The following PRKDC variants were observed in gnomAD, a reference collection of about 807,000 sequenced individuals.
PRKDC encodes DNA-dependent protein kinase catalytic subunit.
A neutral mutation model predicts 486.9 loss-of-function variants in PRKDC; 82 were observed. That is an observed-to-expected ratio of 0.17 (90% confidence interval 0.14 to 0.20). PRKDC has a LOEUF of 0.20. Among genes scored for constraint, PRKDC ranks in the 10% least tolerant of loss-of-function variants. The pLI, the probability that PRKDC is intolerant of heterozygous loss-of-function variation, is 1.00. For missense variants in PRKDC, 4,504 were observed against 5,038.2 expected (o/e 0.89, Z 3.21); for synonymous variants, 1,895 against 1,837.0 (o/e 1.03, Z -0.81).
chr8:47,960,135 G>A lies in PRKDC; in HGVS notation c.-9C>T. 6.8e-7 allele frequency: 1 copy of A among 1,473,800 alleles called. No individual in the cohort carries two copies. The highest frequency in any genetic ancestry group is 9.0e-7 in the Non-Finnish European group (1 of 1,113,354). 91.3% of individuals were successfully genotyped at this position (1,473,800 alleles called of 1,614,324 possible). On this transcript the variant is annotated 5_prime_UTR_variant, in exon 1 of 86. Coordinates refer to ENST00000314191, the MANE Select transcript of PRKDC (RefSeq NM_006904.7). Reference sequence around the variant, plus strand: ...GCTCCGGAGCCCGCCATGCCGCCGAGTCCCGCTCCCGCGCGTGCGCCCGCT... The same window carrying A: ...GCTCCGGAGCCCGCCATGCCGCCGAATCCCGCTCCCGCGCGTGCGCCCGCT...
chr8:47,832,602 A>G (rs2087912075), intron 59 of PRKDC, among the ~76,000 whole-genome samples: 1 of 152,246 alleles, frequency 6.6e-6, no homozygotes, highest in African/African-American at 2.4e-5. Flanking sequence ...AGGTTGAAAG[A>G]TAAGGTTGAA....
intron 46 of PRKDC, 145 bp downstream of exon 46, chr8:47,859,466 T>C (rs1488963270): frequency 2.0e-6 from 2 of 983,292 alleles, no homozygotes; most frequent in African/African-American, 1.6e-5. Flanking sequence ...AATTAGATCT[T>C]GGAAAATTCT....
At chr8:47,905,166 C>T (rs557699120) in intron 25 of PRKDC, among the ~76,000 whole-genome samples, 190 bp from the exon 26 acceptor site, 1 of 152,264 alleles carries the variant, frequency 6.6e-6, no homozygotes, top group African/African-American at 2.4e-5. Context: ...AGCTGGACTA[C>T]AGGCATGTAC....
At chr8:47,929,220 G>T in intron 18 of PRKDC, 42 bp from the exon 19 acceptor site, 1 of 1,353,348 alleles carries the variant, frequency 7.4e-7, no homozygotes, top group East Asian at 2.5e-5. Flanking sequence ...AACAAGAATC[G>T]GGAGACTGTA....
At chr8:47,850,724 G>A (rs1420899104) in intron 52 of PRKDC, among the ~76,000 whole-genome samples, 1 of 152,232 alleles carries the variant, frequency 6.6e-6, no homozygotes, top group Non-Finnish European at 1.5e-5. Flanking sequence ...AAAACAGTAT[G>A]AATAACAGAG....
Position 47,779,081 on chromosome 8 carries a change from T to C in PRKDC, c.11502A>G (p.Ala3834=). The change falls in exon 81 of 86, where the codon GCA becomes GCG. Residue 3834 remains alanine (A), a synonymous_variant. Transcript: ENST00000314191. ...GCCAATCTTTATATTCACACGGCGG[T>C]GCCCTGGGATCACTAATGAGTGAGA... is the stretch of plus-strand genomic sequence containing the variant. ...EKAAYLSDPR[A]PPCEYKDWLT... The C allele has an allele frequency of 6.3e-7, 1 of 1,590,338 alleles. No homozygotes were observed.
Position 47,774,054 on chromosome 8 carries a change from G to T in PRKDC, c.*119C>A. 1 of 1,033,098 alleles carries T rather than the reference G, an allele frequency of 9.7e-7. No individual in the cohort carries two copies. The highest frequency in any genetic ancestry group is 1.8e-5 in the South Asian group (1 of 55,958). 64.0% of individuals were successfully genotyped at this position (1,033,098 alleles called of 1,614,324 possible). Reference sequence around the variant, plus strand: ...TTTAAACTCATGCTACGAAACTGTAGCACAAAAGACATTTCTCTTTAGTGT... The same window carrying T: ...TTTAAACTCATGCTACGAAACTGTATCACAAAAGACATTTCTCTTTAGTGT... On this transcript the variant is annotated 3_prime_UTR_variant, in exon 86 of 86. Transcript: ENST00000314191.
chr8:47,924,561 A>AAAT (rs371796979), intron 21 of PRKDC, among the ~76,000 whole-genome samples: 2,348 of 151,822 alleles, frequency 0.015, 30 homozygotes, highest in Non-Finnish European at 0.024. Flanking sequence ...CTCTGTCTCA[A>AAAT]AATAATAATA....
At chr8:47,888,961 T>G in intron 33 of PRKDC, 53 bp downstream of exon 33, 1 of 1,545,696 alleles carries the variant, frequency 6.5e-7, no homozygotes, top group Non-Finnish European at 8.9e-7. Context: ...GGCAACATAC[T>G]AGGGCCTGAA....
At chr8:47,816,824 A>G (rs2087457706) in intron 68 of PRKDC, among the ~76,000 whole-genome samples, 1 of 152,088 alleles carries the variant, frequency 6.6e-6, no homozygotes. Flanking sequence ...AAAGTTTAAA[A>G]AAAAAAAAAA....
At chr8:47,869,844 A>AG (rs1358524157) in intron 40 of PRKDC, among the ~76,000 whole-genome samples, 1 of 152,028 alleles carries the variant, frequency 6.6e-6, no homozygotes, top group Non-Finnish European at 1.5e-5. Flanking sequence ...CATTCACCAC[A>AG]AGCTGACTAC....
At chr8:47,865,245 G>A (rs1428094165) in intron 40 of PRKDC, among the ~76,000 whole-genome samples, 1 of 152,144 alleles carries the variant, frequency 6.6e-6, no homozygotes, top group African/African-American at 2.4e-5. Flanking sequence ...AATTAGCTGG[G>A]CGTGGTGGTG....
In PRKDC at chr8:47,861,997, G is replaced by T; in HGVS notation, c.5985+65C>A. ...TGAATATTGGCAACTTAACGTGTTT[G>T]ACATAATATGGTTTTCTTTGTGAGC... is the stretch of plus-strand genomic sequence containing the variant. On this transcript the variant is annotated intron_variant, in intron 44 of 85. Coordinates refer to ENST00000314191, the MANE Select transcript of PRKDC (RefSeq NM_006904.7). 3 of 1,289,734 alleles carry T rather than the reference G, an allele frequency of 2.3e-6. No homozygotes were observed. The South Asian group carries it at 4.2e-5, about 18-fold the overall frequency. 79.9% of individuals were successfully genotyped at this position (1,289,734 alleles called of 1,614,324 possible). A position where few individuals can be genotyped will look rare whatever the true frequency, so the allele number is the denominator to read the frequency against.
intron 25 of PRKDC, among the ~76,000 whole-genome samples, chr8:47,906,294 C>G (rs2089780715): frequency 6.6e-6 from 1 of 152,016 alleles, no homozygotes; most frequent in African/African-American, 2.4e-5. Flanking sequence ...CTTTAGGGAA[C>G]TATGACTGCA....
Position 47,782,631 on chromosome 8 carries a change from GGCT to G in PRKDC, c.11176-36_11176-34del. On this transcript the variant is annotated intron_variant, in intron 78 of 85. Coordinates refer to ENST00000314191, the MANE Select transcript of PRKDC (RefSeq NM_006904.7). This position sits in a 1 kb window ranked among gnomAD's most constrained non-coding sequence, Gnocchi z 4.9. Reference sequence around the variant, plus strand: ...AATCAGAATGTCATCTCAGGGCACAGGCTAGCCACGTGTCAAACTCAGAGGGAA... The same window carrying G: ...AATCAGAATGTCATCTCAGGGCACAGAGCCACGTGTCAAACTCAGAGGGAA... 6.5e-7 allele frequency: 1 copy of G among 1,543,254 alleles called. No individual in the cohort carries two copies. The highest frequency in any genetic ancestry group is 1.2e-5 in the South Asian group (1 of 84,004).
chr8:47,870,160 T>C (rs995135828), intron 40 of PRKDC, among the ~76,000 whole-genome samples: 25 of 151,934 alleles, frequency 1.6e-4, no homozygotes, highest in Admixed American at 2.6e-4. Context: ...CTCCTGCTGA[T>C]TGTACAGCCA....
At chr8:47,863,330 A>C in intron 42 of PRKDC, 69 bp downstream of exon 42, 1 of 1,276,942 alleles carries the variant, frequency 7.8e-7, no homozygotes, top group Non-Finnish European at 1.1e-6. Context: ...CACTATATAC[A>C]TACATAAAAA....
chr8:47,899,592 G>A (rs926223429), intron 28 of PRKDC, among the ~76,000 whole-genome samples: 18 of 152,144 alleles, frequency 1.2e-4, no homozygotes, highest in Non-Finnish European at 2.2e-4. Flanking sequence ...GCAGTGAGCT[G>A]AGATCGCACC....
intron 67 of PRKDC, among the ~76,000 whole-genome samples, chr8:47,819,189 C>A (rs185402341): frequency 1.3e-5 from 2 of 152,208 alleles, no homozygotes; most frequent in African/African-American, 4.8e-5. Context: ...AACATGTTTT[C>A]TTTCACTTTG....
Sources: gnomAD v4.1 joint callset for allele counts (sites outside exome capture counted in the v4.1 genomes callset) on GRCh38, gnomAD v4.1.1 for gene constraint, Gnocchi (gnomAD v3.1) non-coding constraint, MANE v1.5 for transcripts, NCBI Gene and HGNC (gene_info 2026-07-23, HGNC 2026-07-21) for gene names.